NEDD4L: variants seen among roughly 807,000 people sequenced by gnomAD.
NEDD4L encodes NEDD4 like E3 ubiquitin protein ligase.
A neutral mutation model predicts 148.9 loss-of-function variants in NEDD4L; 54 were observed. The ratio of observed to expected loss-of-function variants is 0.36; its 90% CI spans 0.29 to 0.45. The LOEUF (loss-of-function observed/expected upper bound fraction) is 0.45, where lower values mean the gene tolerates loss of function less well. Ranked by LOEUF, NEDD4L falls within the 20% of genes least tolerant of loss-of-function variation. NEDD4L has a pLI of 1.00. For missense variants in NEDD4L, 856 were observed against 1,233.8 expected (o/e 0.69, Z 4.59); for synonymous variants, 433 against 440.7 (o/e 0.98, Z 0.22).
At chr18:58,373,483 TC>T (rs1404019573) in intron 24 of NEDD4L, among the ~76,000 whole-genome samples, 1 of 152,178 alleles carries the variant, frequency 6.6e-6, no homozygotes, top group Non-Finnish European at 1.5e-5. Flanking sequence ...TTACAGAAAT[TC>T]CAAGAGGCCT....
Position 58,256,014 on chromosome 18 carries a change from G to A in NEDD4L, c.297+3960G>A, listed in dbSNP as rs1207057416. On this transcript the variant is annotated intron_variant, in intron 5 of 30. Transcript: ENST00000400345. The surrounding 1 kb of genome is among the most constrained non-coding windows in gnomAD (Gnocchi z 5.2). ...CCTCCATGCGCAACGCCCGACCCCAGGGACCAGGCCTCCGCCACTGCCACC... is the reference window on the plus strand; with the variant it reads ...CCTCCATGCGCAACGCCCGACCCCAAGGACCAGGCCTCCGCCACTGCCACC... 2 of 1,230,312 alleles carry A rather than the reference G, an allele frequency of 1.6e-6. No individual in the cohort carries two copies. Among genetic ancestry groups the A allele is most frequent in the Non-Finnish European group, 2.0e-6 (2 of 987,034 alleles). The allele number at this position is 1,230,312 out of a possible 1,614,324, so 76.2% of individuals were successfully genotyped here.
chr18:58,146,584 A>G (rs2034120295), intron 1 of NEDD4L, among the ~76,000 whole-genome samples: 1 of 152,150 alleles, frequency 6.6e-6, no homozygotes, highest in Non-Finnish European at 1.5e-5. Context: ...CTGGCCCTAA[A>G]AAGTGCCGGA....
intron 1 of NEDD4L, among the ~76,000 whole-genome samples, chr18:58,165,130 T>C (rs2036687354): frequency 6.6e-6 from 1 of 152,208 alleles, no homozygotes; most frequent in Non-Finnish European, 1.5e-5. Flanking sequence ...CTGGAGCATA[T>C]TCATGTCGGT....
chr18:58,111,193 A>G (rs2085399405), intron 1 of NEDD4L, among the ~76,000 whole-genome samples: 1 of 152,108 alleles, frequency 6.6e-6, no homozygotes, highest in Admixed American at 6.6e-5. Flanking sequence ...TCAGCCTCCC[A>G]GGTAGCTAGG....
chr18:58,227,561 C>T (rs1314820865), intron 2 of NEDD4L, among the ~76,000 whole-genome samples: 1 of 152,160 alleles, frequency 6.6e-6, no homozygotes, highest in Non-Finnish European at 1.5e-5. Flanking sequence ...TCCCTGCATG[C>T]TCTGTCTAAG....
intron 5 of NEDD4L, among the ~76,000 whole-genome samples, chr18:58,281,387 CTG>C (rs1488227307): frequency 6.6e-6 from 1 of 151,390 alleles, no homozygotes; most frequent in Non-Finnish European, 1.5e-5. Flanking sequence ...GTTAGCATAA[CTG>C]TGTAGTACAA....
intron 3 of NEDD4L, among the ~76,000 whole-genome samples, chr18:58,246,168 A>G (rs1212206063): frequency 1.3e-5 from 2 of 152,100 alleles, no homozygotes; most frequent in African/African-American, 4.8e-5. Context: ...TTTTTCTTGC[A>G]CAGAATACAG....
intron 2 of NEDD4L, chr18:58,221,466 A>G (rs1599859441): frequency 2.7e-6 from 2 of 736,084 alleles, no homozygotes. Flanking sequence ...TTATGGTAGG[A>G]GGTGGAGCTT....
chr18:58,372,993 A>G, intron 23 of NEDD4L, 181 bp from the exon 24 acceptor site: 1 of 535,542 alleles, frequency 1.9e-6, no homozygotes, highest in South Asian at 2.1e-5. Context: ...CAACTAAAGC[A>G]GTTTGTTTGT....
chr18:58,072,872 G>GCGCA lies in NEDD4L; in HGVS notation c.48+28165_48+28166insGCAC, dbSNP rs1555682058. 2.3e-3 allele frequency among the ~76,000 whole-genome samples: 303 copies of GCGCA among 131,594 alleles called. 1 individual carries two copies. Among genetic ancestry groups the GCGCA allele is most frequent in the South Asian group, 5.2e-3 (21 of 4,032 alleles). The allele number at this position is 131,594 out of a possible 152,430, so 86.3% of individuals were successfully genotyped here. On this transcript the variant is annotated intron_variant, in intron 1 of 30. Coordinates refer to ENST00000400345, the MANE Select transcript of NEDD4L (RefSeq NM_001144967.3). ...AAAATCCTAAGGCGCGCGCGCGCGC[G>GCGCA]CACACACACACACACACACACACAC...
Position 58,366,299 on chromosome 18 carries a change from G to A in NEDD4L, c.2063+71G>A. On this transcript the variant is annotated intron_variant, in intron 21 of 30. Coordinates refer to ENST00000400345, the MANE Select transcript of NEDD4L (RefSeq NM_001144967.3). The surrounding 1 kb of genome is among the most constrained non-coding windows in gnomAD (Gnocchi z 4.2). The stretch of plus-strand genomic sequence containing the variant: ...TGTATGAATTTAAACAGAATGAAAG[G>A]ATAAGCAGCTCATGAGTTCGAGATG... 8.8e-7 allele frequency: 1 copy of A among 1,141,840 alleles called. No individual in the cohort carries two copies. Among genetic ancestry groups the A allele is most frequent in the Non-Finnish European group, 1.2e-6 (1 of 815,048 alleles). The allele number at this position is 1,141,840 out of a possible 1,614,324, so 70.7% of individuals were successfully genotyped here. A position where few individuals can be genotyped will look rare whatever the true frequency, so the allele number is the denominator to read the frequency against.
intron 18 of NEDD4L, among the ~76,000 whole-genome samples, chr18:58,351,705 C>T (rs963992807): frequency 4.6e-5 from 7 of 151,898 alleles, no homozygotes; most frequent in African/African-American, 1.7e-4. Flanking sequence ...TTCATGGAAT[C>T]ATATTTCTAT....
chr18:58,184,108 G>T (rs992810867), intron 2 of NEDD4L, among the ~76,000 whole-genome samples: 1 of 152,190 alleles, frequency 6.6e-6, no homozygotes, highest in Non-Finnish European at 1.5e-5. Flanking sequence ...GGTGGAGGTT[G>T]CAGTGACCCG....
Position 58,389,197 on chromosome 18 carries a change from C to T in NEDD4L, c.2655+5C>T. On this transcript the variant is annotated splice_donor_5th_base_variant and intron_variant, in intron 28 of 30. Transcript: ENST00000400345. ...GTCATTCAGTGGTTCTGGAAGGTAA[C>T]TCCGGGGCCCAGCCCCAGCCGGTGT... is the stretch of plus-strand genomic sequence containing the variant. The T allele has an allele frequency of 6.2e-7, 1 of 1,606,266 alleles. No individual in the cohort carries two copies. Among genetic ancestry groups the T allele is most frequent in the Non-Finnish European group, 8.5e-7 (1 of 1,173,438 alleles).
chr18:58,253,036 C>T (rs1484988080), intron 5 of NEDD4L, among the ~76,000 whole-genome samples: 1 of 152,174 alleles, frequency 6.6e-6, no homozygotes. Context: ...TAATTCAGTG[C>T]AGTCATTCTC....
At position 58,263,677 on chromosome 18, in the gene NEDD4L, TTC is replaced by T. The variant is rs145053078; in HGVS notation, c.297+11632_297+11633del. On this transcript the variant is annotated intron_variant, in intron 5 of 30. Coordinates refer to ENST00000400345, the MANE Select transcript of NEDD4L (RefSeq NM_001144967.3). ...TTCTTAGGCTTTTTTTTTTTTTTTT[TTC>T]TCTCTCTCATGTTCTTTTCAAATGC... is the stretch of plus-strand genomic sequence containing the variant. Among the ~76,000 whole-genome samples, 406 of 145,076 alleles carry T rather than the reference TTC, an allele frequency of 2.8e-3. 5 individuals carry two copies. Among genetic ancestry groups the T allele is most frequent in the Middle Eastern group, 0.028 (8 of 290 alleles).
At chr18:58,285,549 T>C (rs1221152487) in intron 5 of NEDD4L, among the ~76,000 whole-genome samples, 1 of 152,184 alleles carries the variant, frequency 6.6e-6, no homozygotes, top group African/African-American at 2.4e-5. Flanking sequence ...ACAAAGGTGG[T>C]TGAGTTTCAG....
intron 1 of NEDD4L, among the ~76,000 whole-genome samples, chr18:58,135,567 A>G (rs2032747319): frequency 6.6e-6 from 1 of 152,262 alleles, no homozygotes; most frequent in African/African-American, 2.4e-5. Context: ...ATGTGAGTGC[A>G]GACTGAAGTT....
intron 2 of NEDD4L, among the ~76,000 whole-genome samples, chr18:58,176,277 T>C (rs1312366288): frequency 6.6e-6 from 1 of 152,036 alleles, no homozygotes; most frequent in Non-Finnish European, 1.5e-5. Context: ...TCTGTCGTCC[T>C]CTCTCTCTCC....
Sources: allele counts gnomAD v4.1 joint callset (sites outside exome capture counted in the v4.1 genomes callset), GRCh38; gene constraint gnomAD v4.1.1; non-coding constraint Gnocchi (gnomAD v3.1); transcripts MANE v1.5; gene names NCBI Gene and HGNC (gene_info 2026-07-23, HGNC 2026-07-21).